The following CAMSAP2 variants were observed in gnomAD, a reference collection of about 807,000 sequenced individuals.
CAMSAP2 encodes the protein calmodulin regulated spectrin associated protein family member 2, also known as calmodulin-regulated spectrin-associated protein 2.
Under a neutral mutation model 146.1 loss-of-function variants are expected in CAMSAP2, and 26 were observed. The observed-to-expected ratio is 0.18, with a 90% confidence interval of 0.13 to 0.25. CAMSAP2 has a LOEUF of 0.25. CAMSAP2 is among the 10% of genes least tolerant of loss of function. The probability of loss-of-function intolerance (pLI) is 1.00; values close to 1 mark genes in which losing one functional copy is unlikely to be tolerated. For missense variants in CAMSAP2, 1,381 were observed against 1,759.3 expected (o/e 0.78, Z 3.85); for synonymous variants, 499 against 596.6 (o/e 0.84, Z 2.38).
rs540860984 is a variant in CAMSAP2 at position 200,772,216 on chromosome 1, A to AT, written c.399+11125dup. On this transcript the variant is annotated intron_variant, in intron 2 of 16. Coordinates refer to ENST00000358823, the MANE Select transcript of CAMSAP2 (RefSeq NM_203459.4). ...CAAAAGTACTTATCCTTGTAACTTT[A>AT]TTTTTTTAAGATTCTATTTGAAAAA... 3.9e-5 allele frequency among the ~76,000 whole-genome samples: 6 copies of AT among 152,190 alleles called. No homozygotes were observed. The South Asian group carries it at 1.2e-3, about 32-fold the overall frequency.
chr1:200,852,771 C>G, intron 12 of CAMSAP2, 94 bp downstream of exon 12: 1 of 1,293,598 alleles, frequency 7.7e-7, no homozygotes, highest in East Asian at 2.5e-5. Flanking sequence ...GAGGTGGTCT[C>G]TCATTAATTT....
At position 200,807,456 on chromosome 1, in the gene CAMSAP2, T is replaced by C; in HGVS notation, c.480T>C (p.Cys160=). The part of the protein sequence containing the change: ...EMVSIEKVIA[C]AQQYSAFFQA... ...TCAGTATAGAAAAAGTAATTGCGTG[T>C]GCTCAGCAGTATTCAGCTTTTTTTC... is the stretch of plus-strand genomic sequence containing the variant. The change falls in exon 3 of 17, where the codon TGT becomes TGC. Residue 160 remains cysteine, a synonymous_variant. Coordinates refer to ENST00000358823, the MANE Select transcript of CAMSAP2 (RefSeq NM_203459.4). 6.2e-7 allele frequency: 1 copy of C among 1,613,560 alleles called. No homozygotes were observed. The highest frequency in any genetic ancestry group is 8.5e-7 in the Non-Finnish European group (1 of 1,179,674).
chr1:200,832,391 T>C lies in CAMSAP2; in HGVS notation c.787+50T>C. 1 of 1,523,402 alleles carries C rather than the reference T, an allele frequency of 6.6e-7. No individual in the cohort carries two copies. The highest frequency in any genetic ancestry group is 8.8e-7 in the Non-Finnish European group (1 of 1,132,986). 94.4% of individuals were successfully genotyped at this position (1,523,402 alleles called of 1,614,324 possible). A position where few individuals can be genotyped will look rare whatever the true frequency, so the allele number is the denominator to read the frequency against. On this transcript the variant is annotated intron_variant, in intron 5 of 16. Coordinates refer to ENST00000358823, the MANE Select transcript of CAMSAP2 (RefSeq NM_203459.4). The surrounding 1 kb of genome is among the most constrained non-coding windows in gnomAD (Gnocchi z 4.2). ...TGAACTGTAGACAGATAGTAACCAA[T>C]ATTTAAGACAGTATTATTTTGCACT...
intron 4 of CAMSAP2, among the ~76,000 whole-genome samples, chr1:200,816,858 GTGTGTATGTGTGTA>G (rs1188631154): frequency 1.3e-5 from 1 of 74,566 alleles, no homozygotes; most frequent in Non-Finnish European, 2.6e-5. Context: ...ACACACACGC[GTGTGTATGTGTGTA>G]CACACACACG....
chr1:200,821,613 G>A (rs1332372988), intron 4 of CAMSAP2, among the ~76,000 whole-genome samples: 3 of 152,092 alleles, frequency 2.0e-5, no homozygotes, highest in Non-Finnish European at 2.9e-5. Context: ...CACCCGCCTC[G>A]GCCTCCCAGA....
intron 2 of CAMSAP2, among the ~76,000 whole-genome samples, chr1:200,801,205 G>T (rs926946544): frequency 6.6e-6 from 1 of 151,764 alleles, no homozygotes; most frequent in East Asian, 1.9e-4. Context: ...TGGAGGTTGC[G>T]GTGAGCTGAG....
chr1:200,854,778 G>T, intron 13 of CAMSAP2, 39 bp from the exon 14 acceptor site: 1 of 1,530,326 alleles, frequency 6.5e-7, no homozygotes, highest in Admixed American at 1.8e-5. Context: ...TTCTGATTTT[G>T]TTTTTATTCA....
At chr1:200,741,784 G>A (rs1255090332) in intron 1 of CAMSAP2, among the ~76,000 whole-genome samples, 3 of 152,222 alleles carry the variant, frequency 2.0e-5, no homozygotes, top group Non-Finnish European at 4.4e-5. Flanking sequence ...TCTAGTATCA[G>A]TGGAATCTGA....
chr1:200,852,461 CA>C, intron 11 of CAMSAP2, 79 bp from the exon 12 acceptor site: 1 of 1,510,012 alleles, frequency 6.6e-7, no homozygotes, highest in Non-Finnish European at 9.0e-7. Flanking sequence ...GGACTAACCA[CA>C]AAATGTGACT....
chr1:200,847,576 C>G, intron 9 of CAMSAP2, 64 bp from the exon 10 acceptor site: 1 of 1,248,018 alleles, frequency 8.0e-7, no homozygotes. Flanking sequence ...ATGAAATCTC[C>G]TAAGTTGCTA....
intron 6 of CAMSAP2, among the ~76,000 whole-genome samples, chr1:200,836,153 A>G (rs542277127): frequency 1.2e-4 from 19 of 152,154 alleles, no homozygotes; most frequent in Middle Eastern, 3.4e-3. Context: ...GGTTTGTTAC[A>G]TAGGTAAACT....
intron 6 of CAMSAP2, among the ~76,000 whole-genome samples, chr1:200,838,591 T>G (rs971979334): frequency 6.6e-6 from 1 of 152,158 alleles, no homozygotes; most frequent in Non-Finnish European, 1.5e-5. Flanking sequence ...CTTTGTCTTT[T>G]TAGACTTTAT....
At chr1:200,740,846 TAGAG>T (rs1664149463) in intron 1 of CAMSAP2, among the ~76,000 whole-genome samples, 1 of 152,186 alleles carries the variant, frequency 6.6e-6, no homozygotes, top group Non-Finnish European at 1.5e-5. Flanking sequence ...TTAAAAAAAT[TAGAG>T]AGCTGCTTTT....
At chr1:200,764,406 A>G (rs1664884766) in intron 2 of CAMSAP2, among the ~76,000 whole-genome samples, 1 of 152,228 alleles carries the variant, frequency 6.6e-6, no homozygotes, top group South Asian at 2.1e-4. Flanking sequence ...TCTTTAGAAG[A>G]ATTTACACCA....
intron 4 of CAMSAP2, among the ~76,000 whole-genome samples, chr1:200,817,165 CGTGTGTGTATAT>C (rs1451906052): frequency 4.4e-5 from 3 of 68,038 alleles, no homozygotes; most frequent in Admixed American, 1.6e-4. Flanking sequence ...CATACACACA[CGTGTGTGTATAT>C]ACACACACAC....
At chr1:200,805,945 G>C (rs928787172) in intron 2 of CAMSAP2, among the ~76,000 whole-genome samples, 2 of 152,146 alleles carry the variant, frequency 1.3e-5, no homozygotes, top group African/African-American at 4.8e-5. Context: ...GGAAAAAACA[G>C]CCGCTAGTTT....
intron 1 of CAMSAP2, among the ~76,000 whole-genome samples, chr1:200,759,880 A>T (rs1254506926): frequency 6.6e-6 from 1 of 152,218 alleles, no homozygotes; most frequent in African/African-American, 2.4e-5. Context: ...GGAGGAAGAG[A>T]TACAGGGTAG....
intron 2 of CAMSAP2, among the ~76,000 whole-genome samples, chr1:200,762,955 A>G (rs1299826224): frequency 6.6e-6 from 1 of 151,664 alleles, no homozygotes; most frequent in Non-Finnish European, 1.5e-5. Flanking sequence ...GCTGGAGTGC[A>G]GTGGTGCGAT....
At chr1:200,775,019 G>T (rs191676232) in intron 2 of CAMSAP2, among the ~76,000 whole-genome samples, 116 of 152,260 alleles carry the variant, frequency 7.6e-4, no homozygotes, top group African/African-American at 2.8e-3. Context: ...TAAACAATTA[G>T]ACAAATTGTA....
Sources: allele counts gnomAD v4.1 joint callset (sites outside exome capture counted in the v4.1 genomes callset), GRCh38; gene constraint gnomAD v4.1.1; non-coding constraint Gnocchi (gnomAD v3.1); transcripts MANE v1.5; gene names NCBI Gene and HGNC (gene_info 2026-07-23, HGNC 2026-07-21).